The following MTMR14 variants were observed in gnomAD, a reference collection of about 807,000 sequenced individuals.
MTMR14 encodes myotubularin related protein 14, also known as phosphatidylinositol-3,5-bisphosphate 3-phosphatase MTMR14.
Under a neutral mutation model 86.3 loss-of-function variants are expected in MTMR14, and 48 were observed. That is an observed-to-expected ratio of 0.56 (90% CI 0.44 to 0.71). The LOEUF (loss-of-function observed/expected upper bound fraction) is 0.71, where lower values mean the gene tolerates loss of function less well. Ranked by LOEUF, MTMR14 falls within the 30% of genes least tolerant of loss-of-function variation. The pLI, the probability that MTMR14 is intolerant of heterozygous loss-of-function variation, is 0.00. For missense variants in MTMR14, 780 were observed against 834.6 expected (o/e 0.93, Z 0.81); for synonymous variants, 366 against 326.1 (o/e 1.12, Z -1.32).
chr3:9,674,318 A>C (rs946737203), intron 7 of MTMR14, among the ~76,000 whole-genome samples: 3 of 152,206 alleles, frequency 2.0e-5, no homozygotes, highest in Non-Finnish European at 4.4e-5. Flanking sequence ...TCACCCTTTG[A>C]CCCAGGTATT....
chr3:9,669,634 C>A, intron 5 of MTMR14, 142 bp downstream of exon 5: 3 of 835,592 alleles, frequency 3.6e-6, no homozygotes, highest in Non-Finnish European at 3.6e-6. Context: ...TCTGCCAAGT[C>A]TGTGCCCCTG....
Position 9,677,227 on chromosome 3 carries a change from C to A in MTMR14, c.752-90C>A. ...GTGTGAGTTGGCGGCCCCCTCTCCACAGCACTCAGGGACCTGGGTCTGGCC... is the reference window on the plus strand; with the variant it reads ...GTGTGAGTTGGCGGCCCCCTCTCCAAAGCACTCAGGGACCTGGGTCTGGCC... On this transcript the variant is annotated intron_variant, in intron 7 of 18. Transcript: ENST00000296003. This position sits in a 1 kb window ranked among gnomAD's most constrained non-coding sequence, Gnocchi z 4.2. 1 of 1,191,236 alleles carries A rather than the reference C, an allele frequency of 8.4e-7. No homozygotes were observed. The highest frequency in any genetic ancestry group is 1.2e-6 in the Non-Finnish European group (1 of 803,182). The allele number at this position is 1,191,236 out of a possible 1,614,324, so 73.8% of individuals were successfully genotyped here. A position where few individuals can be genotyped will look rare whatever the true frequency, so the allele number is the denominator to read the frequency against.
chr3:9,653,556 C>T, intron 1 of MTMR14, 65 bp from the exon 2 acceptor site: 3 of 1,605,504 alleles, frequency 1.9e-6, no homozygotes, highest in South Asian at 1.1e-5. Context: ...AGGCCATGGA[C>T]CTCCTAATTC....
chr3:9,664,290 A>T (rs529084441), intron 3 of MTMR14, among the ~76,000 whole-genome samples: 7 of 151,008 alleles, frequency 4.6e-5, no homozygotes, highest in Non-Finnish European at 1.0e-4. Context: ...TCATATAGTT[A>T]AGGCTCTGAG....
At chr3:9,695,355 A>G (rs1278273136) in intron 17 of MTMR14, among the ~76,000 whole-genome samples, 2 of 152,172 alleles carry the variant, frequency 1.3e-5, no homozygotes, top group Non-Finnish European at 2.9e-5. Flanking sequence ...TCACGTAGGA[A>G]GACTCCTTTG....
chr3:9,684,691 A>G (rs769704565), intron 11 of MTMR14, 21 bp downstream of exon 11: 1 of 1,613,332 alleles, frequency 6.2e-7, no homozygotes, highest in South Asian at 1.1e-5. Context: ...ATCGGCCCCT[A>G]CCAAGCTCTG....
chr3:9,688,836 AG>A, intron 15 of MTMR14, 82 bp downstream of exon 15: 1 of 1,597,574 alleles, frequency 6.3e-7, no homozygotes, highest in Non-Finnish European at 8.6e-7. Context: ...TTGTGCTAAG[AG>A]GTTTTTTGTT....
At chr3:9,667,998 A>C (rs1359385638) in intron 3 of MTMR14, among the ~76,000 whole-genome samples, 5 of 152,120 alleles carry the variant, frequency 3.3e-5, no homozygotes, top group African/African-American at 1.2e-4. Flanking sequence ...TTGCCTTCCC[A>C]TCACCAGGTA....
chr3:9,669,292 G>C, intron 4 of MTMR14, 140 bp from the exon 5 acceptor site: 2 of 707,032 alleles, frequency 2.8e-6, no homozygotes, highest in Non-Finnish European at 4.7e-6. Context: ...AGGCATATGG[G>C]GGCATACTGT....
chr3:9,673,942 T>A lies in MTMR14; in HGVS notation c.751+1184T>A, dbSNP rs573982930. ...GATGATGATGATGGTGGTGATGATGTTGATGATGGTGATGATGATGATGAT... is the reference window on the plus strand; with the variant it reads ...GATGATGATGATGGTGGTGATGATGATGATGATGGTGATGATGATGATGAT... On this transcript the variant is annotated intron_variant, in intron 7 of 18. Transcript: ENST00000296003. Among the ~76,000 whole-genome samples, 12 of 152,082 alleles carry A rather than the reference T, an allele frequency of 7.9e-5. No homozygotes were observed. The South Asian group carries it at 2.3e-3, about 29-fold the overall frequency.
At chr3:9,684,808 C>G (rs112866788) in intron 11 of MTMR14, 80 bp from the exon 12 acceptor site, 2 of 1,556,310 alleles carry the variant, frequency 1.3e-6, no homozygotes, top group Non-Finnish European at 1.8e-6. Flanking sequence ...CTTCAGCCTG[C>G]GTTGTCACTG....
chr3:9,692,925 C>A (rs1184179301), intron 17 of MTMR14, among the ~76,000 whole-genome samples: 1 of 152,162 alleles, frequency 6.6e-6, no homozygotes, highest in African/African-American at 2.4e-5. Context: ...CCCTCAGAGC[C>A]CAGGATTCTA....
chr3:9,655,562 G>A (rs1478067868), intron 2 of MTMR14, among the ~76,000 whole-genome samples: 1 of 141,286 alleles, frequency 7.1e-6, no homozygotes, highest in Non-Finnish European at 1.5e-5. Flanking sequence ...CCGGGTTCAA[G>A]CAATTCTCCT....
At chr3:9,679,701 A>G (rs1193430684) in intron 9 of MTMR14, among the ~76,000 whole-genome samples, 1 of 152,184 alleles carries the variant, frequency 6.6e-6, no homozygotes, top group African/African-American at 2.4e-5. Flanking sequence ...GGCAGTACCT[A>G]TTTCAGAGTT....
At chr3:9,688,844 T>C (rs2076047287) in intron 15 of MTMR14, 90 bp downstream of exon 15, 2 of 1,599,770 alleles carry the variant, frequency 1.3e-6, no homozygotes, top group Non-Finnish European at 1.7e-6. Context: ...AGAGGTTTTT[T>C]GTTTTTTTTT....
chr3:9,702,041 GC>G lies in MTMR14; in HGVS notation c.*70del. 1 of 1,601,180 alleles carries G rather than the reference GC, an allele frequency of 6.2e-7. No individual in the cohort carries two copies. Among genetic ancestry groups the G allele is most frequent in the Non-Finnish European group, 8.5e-7 (1 of 1,170,958 alleles). On this transcript the variant is annotated 3_prime_UTR_variant, in exon 19 of 19. Transcript: ENST00000296003. Reference sequence around the variant, plus strand: ...GCCCTTAGCAGAGAATCAAAGCCATGCCTGGCCGAAGGGGTACTTCCAGGTC... The same window carrying G: ...GCCCTTAGCAGAGAATCAAAGCCATGCTGGCCGAAGGGGTACTTCCAGGTC...
chr3:9,672,608 A>G, intron 6 of MTMR14, 77 bp from the exon 7 acceptor site: 4 of 1,277,408 alleles, frequency 3.1e-6, no homozygotes, highest in Non-Finnish European at 4.6e-6. Flanking sequence ...ATTTGTGATT[A>G]TAACCCTTAT....
chr3:9,650,096 A>T (rs1363570654), intron 1 of MTMR14, among the ~76,000 whole-genome samples: 1 of 152,076 alleles, frequency 6.6e-6, no homozygotes, highest in Admixed American at 6.6e-5. Flanking sequence ...TCAGGGAAAA[A>T]GCCCCAAGAA....
At chr3:9,682,762 G>C (rs191295119) in intron 9 of MTMR14, among the ~76,000 whole-genome samples, 1 of 152,216 alleles carries the variant, frequency 6.6e-6, no homozygotes, top group African/African-American at 2.4e-5. Flanking sequence ...TCTTTATGTG[G>C]CCATTTGGAG....
Sources: gnomAD v4.1 joint callset for allele counts (sites outside exome capture counted in the v4.1 genomes callset) on GRCh38, gnomAD v4.1.1 for gene constraint, Gnocchi (gnomAD v3.1) non-coding constraint, MANE v1.5 for transcripts, NCBI Gene and HGNC (gene_info 2026-07-23, HGNC 2026-07-21) for gene names.